The following ZNF609 variants were observed in gnomAD, a reference collection of about 807,000 sequenced individuals.
The protein encoded by ZNF609 is zinc finger protein 609.
Under a neutral mutation model 109.5 loss-of-function variants are expected in ZNF609, and 11 were observed. That is an observed-to-expected ratio of 0.10 (90% confidence interval 0.06 to 0.17). The LOEUF is 0.17. Ranked by LOEUF, ZNF609 falls within the 10% of genes least tolerant of loss-of-function variation. The pLI is 1.00. For missense variants in ZNF609, 1,559 were observed against 1,772.4 expected (o/e 0.88, Z 2.16); for synonymous variants, 646 against 662.0 (o/e 0.98, Z 0.37).
At chr15:64,639,276 T>C (rs1896220053) in intron 3 of ZNF609, among the ~76,000 whole-genome samples, 1 of 152,182 alleles carries the variant, frequency 6.6e-6, no homozygotes, top group South Asian at 2.1e-4. Context: ...CTGACTGATT[T>C]AATCAACACC....
intron 6 of ZNF609, among the ~76,000 whole-genome samples, chr15:64,679,700 C>G (rs1179769867): frequency 6.6e-6 from 1 of 152,228 alleles, no homozygotes; most frequent in African/African-American, 2.4e-5. Flanking sequence ...GCGCTGTCCT[C>G]TGAGATTTAT....
rs1896793448 is a variant in ZNF609, at chr15:64,675,374, C to G, written c.2520C>G (p.Thr840=). ...GAGCTGAAGCCAGCTCAGTCAAAAC[C>G]AACAGCCCTGCATACTCTGACATCT... ...QNGAEASSVK[T]NSPAYSDISD... is the part of the protein sequence containing the mutation. Residue 840 remains threonine (T), a synonymous_variant, in exon 5 of 10, where the codon ACC becomes ACG. Transcript: ENST00000326648. The G allele has an allele frequency of 6.2e-7, 1 of 1,613,964 alleles. No individual in the cohort carries two copies. Among genetic ancestry groups the G allele is most frequent in the African/African-American group, 1.3e-5 (1 of 74,930 alleles).
chr15:64,493,502 TG>T (rs1255891501), intron 1 of ZNF609, among the ~76,000 whole-genome samples: 1 of 152,150 alleles, frequency 6.6e-6, no homozygotes, highest in Non-Finnish European at 1.5e-5. Flanking sequence ...ATACAGGGTA[TG>T]GAAAGTGATT....
intron 4 of ZNF609, among the ~76,000 whole-genome samples, chr15:64,672,037 G>A (rs978193223): frequency 3.9e-5 from 5 of 129,342 alleles, no homozygotes; most frequent in African/African-American, 1.6e-4. Context: ...TTTTGAGATG[G>A]AGTCTCGCTC....
At chr15:64,606,639 G>C (rs1187666323) in intron 2 of ZNF609, among the ~76,000 whole-genome samples, 1 of 151,642 alleles carries the variant, frequency 6.6e-6, no homozygotes, top group African/African-American at 2.4e-5. Context: ...TCAAATTCCT[G>C]AGTTCAAGCA....
intron 1 of ZNF609, among the ~76,000 whole-genome samples, chr15:64,495,860 C>A (rs907689871): frequency 1.3e-5 from 2 of 150,768 alleles, no homozygotes; most frequent in Non-Finnish European, 2.9e-5. Flanking sequence ...ATTCTGTCAC[C>A]CAGACTGGAG....
intron 3 of ZNF609, among the ~76,000 whole-genome samples, chr15:64,639,244 G>T (rs1306663806): frequency 5.3e-5 from 8 of 152,210 alleles, no homozygotes; most frequent in Admixed American, 3.9e-4. Flanking sequence ...CAGCAATTCA[G>T]TGAGGCTAGT....
At chr15:64,614,269 C>T (rs1193175975) in intron 2 of ZNF609, among the ~76,000 whole-genome samples, 5 of 148,622 alleles carry the variant, frequency 3.4e-5, no homozygotes, top group African/African-American at 1.0e-4. Flanking sequence ...CTTGCTCTGT[C>T]GCCCAGGCTG....
At chr15:64,469,644 G>T (rs1050076723) in intron 1 of ZNF609, among the ~76,000 whole-genome samples, 2 of 151,852 alleles carry the variant, frequency 1.3e-5, no homozygotes, top group African/African-American at 4.8e-5. Context: ...TTTTTTGGAG[G>T]GTTTTGTAGC....
intron 3 of ZNF609, chr15:64,654,371 C>T (rs1370791855): frequency 6.6e-6 from 1 of 152,154 alleles, no homozygotes; most frequent in African/African-American, 2.4e-5. Context: ...CACATTCTTC[C>T]TATCCTTTTT....
At chr15:64,608,031 T>C (rs1895642254) in intron 2 of ZNF609, among the ~76,000 whole-genome samples, 6 of 150,930 alleles carry the variant, frequency 4.0e-5, no homozygotes, top group Admixed American at 2.7e-4. Flanking sequence ...CCTGAGTAGC[T>C]GGGATTACAG....
intron 3 of ZNF609, among the ~76,000 whole-genome samples, chr15:64,656,909 CAT>C (rs1179191342): frequency 1.3e-5 from 2 of 152,102 alleles, no homozygotes; most frequent in Non-Finnish European, 2.9e-5. Flanking sequence ...ATTCAGTAGC[CAT>C]ATCTCTATTC....
At chr15:64,665,532 A>T (rs1405802079) in intron 3 of ZNF609, among the ~76,000 whole-genome samples, 1 of 152,194 alleles carries the variant, frequency 6.6e-6, no homozygotes, top group African/African-American at 2.4e-5. Flanking sequence ...CAGGAGGATC[A>T]CTTGAGACCA....
chr15:64,466,807 C>T (rs570181266), intron 1 of ZNF609, among the ~76,000 whole-genome samples: 3 of 152,180 alleles, frequency 2.0e-5, no homozygotes, highest in South Asian at 4.2e-4. Flanking sequence ...ACCTTTCCCC[C>T]ACCCCCATCT....
chr15:64,631,417 G>A lies in ZNF609; in HGVS notation c.973+8365G>A, dbSNP rs7176409. On this transcript the variant is annotated intron_variant, in intron 3 of 9. Transcript: ENST00000326648. Reference sequence around the variant, plus strand: ...CACTGTAGACTCTTCCAGTTTAGCCGTGGTAACACTTGTGGGGCATTCCTT... The same window carrying A: ...CACTGTAGACTCTTCCAGTTTAGCCATGGTAACACTTGTGGGGCATTCCTT... 2.9e-3 allele frequency: 2,095 copies of A among 729,358 alleles called. 46 individuals are homozygous for A. In the African/African-American group the frequency reaches 0.032, roughly 11 times the overall value. The allele number at this position is 729,358 out of a possible 1,614,324, so 45.2% of individuals were successfully genotyped here.
chr15:64,608,924 A>G (rs146242084), intron 2 of ZNF609, among the ~76,000 whole-genome samples: 1 of 151,802 alleles, frequency 6.6e-6, no homozygotes, highest in East Asian at 1.9e-4. Context: ...ATTTTTAAAG[A>G]TGGGGTCTTC....
At chr15:64,588,271 A>AC (rs1466538998) in intron 2 of ZNF609, among the ~76,000 whole-genome samples, 33 of 149,622 alleles carry the variant, frequency 2.2e-4, no homozygotes, top group African/African-American at 8.1e-4. Flanking sequence ...CAAAAAAAAA[A>AC]AACAAAAATT....
chr15:64,650,290 A>C (rs1283822198), intron 3 of ZNF609, among the ~76,000 whole-genome samples: 1 of 151,386 alleles, frequency 6.6e-6, no homozygotes, highest in Admixed American at 6.6e-5. Context: ...GGCAGCATGC[A>C]CCTGTAGTCC....
At chr15:64,526,196 T>A (rs1467018919) in intron 2 of ZNF609, among the ~76,000 whole-genome samples, 1 of 152,060 alleles carries the variant, frequency 6.6e-6, no homozygotes, top group African/African-American at 2.4e-5. Context: ...AGGATTTTAT[T>A]CTTTTAGATG....
Sources: allele counts gnomAD v4.1 joint callset (sites outside exome capture counted in the v4.1 genomes callset), GRCh38; gene constraint gnomAD v4.1.1; transcripts MANE v1.5; gene names NCBI Gene and HGNC (gene_info 2026-07-23, HGNC 2026-07-21).